Variants in C9orf153 observed in about 807,000 individuals in gnomAD.
C9orf153 encodes chromosome 9 open reading frame 153, also known as uncharacterized protein C9orf153.
A neutral mutation model predicts 9.0 loss-of-function variants in C9orf153; 10 were observed. The ratio of observed to expected loss-of-function variants is 1.11; its 90% CI spans 0.69 to 1.89. C9orf153 has a LOEUF of 1.89. Among genes scored for constraint, C9orf153 ranks in the 40% most tolerant of loss-of-function variants. The probability of loss-of-function intolerance (pLI) is 0.00; values close to 1 mark genes in which losing one functional copy is unlikely to be tolerated. For missense variants in C9orf153, 108 were observed against 111.0 expected (o/e 0.97, Z 0.12); for synonymous variants, 35 against 37.3 (o/e 0.94, Z 0.23).
intron 1 of C9orf153, among the ~76,000 whole-genome samples, chr9:86,240,697 TTTTC>T (rs1225934849): frequency 1.4e-4 from 9 of 64,166 alleles, no homozygotes; most frequent in African/African-American, 8.0e-4. Context: ...TTTCTTTTCT[TTTTC>T]TTTTTCTTTT....
At chr9:86,227,772 T>C (rs185618015) in intron 3 of C9orf153, 83 bp downstream of exon 3, 143 of 1,515,504 alleles carry the variant, frequency 9.4e-5, no homozygotes, top group Middle Eastern at 7.1e-4. Context: ...AGCCTCTCCA[T>C]GGGAGAGAGT....
intron 1 of C9orf153, among the ~76,000 whole-genome samples, chr9:86,231,974 C>A (rs1824482012): frequency 6.6e-6 from 1 of 152,140 alleles, no homozygotes; most frequent in South Asian, 2.1e-4. Flanking sequence ...TTTCTCCTCC[C>A]TTCCCTCAGA....
At chr9:86,232,354 C>A (rs140938049) in intron 1 of C9orf153, among the ~76,000 whole-genome samples, 1,922 of 152,280 alleles carry the variant, frequency 0.013, 45 homozygotes, top group African/African-American at 0.042. Context: ...TTTGCTTGAT[C>A]CAAGTCAATG....
chr9:86,225,409 CTCTCCTTCCT>C (rs766975553), intron 3 of C9orf153, among the ~76,000 whole-genome samples: 9 of 42,828 alleles, frequency 2.1e-4, no homozygotes, highest in Middle Eastern at 0.01. Context: ...CTCTCTCTCT[CTCTCCTTCCT>C]TCCTTCCTTC....
intron 1 of C9orf153, among the ~76,000 whole-genome samples, chr9:86,250,856 A>G (rs975109593): frequency 5.3e-5 from 8 of 152,210 alleles, no homozygotes; most frequent in African/African-American, 1.9e-4. Flanking sequence ...TTGAAAACGA[A>G]TTGTGAAAAA....
chr9:86,231,764 G>A (rs956477739), intron 1 of C9orf153, among the ~76,000 whole-genome samples: 1 of 152,116 alleles, frequency 6.6e-6, no homozygotes, highest in African/African-American at 2.4e-5. Context: ...TTTATCTCTA[G>A]GCAATTACAA....
At chr9:86,258,128 G>A (rs1825164095) in intron 1 of C9orf153, among the ~76,000 whole-genome samples, 1 of 152,036 alleles carries the variant, frequency 6.6e-6, no homozygotes, top group South Asian at 2.1e-4. Context: ...CAGATCACGG[G>A]GTCAGGAGAT....
In C9orf153 at chr9:86,244,198, C is replaced by T. The variant is rs116767323; in HGVS notation, c.-26-14569G>A. Among the ~76,000 whole-genome samples the T allele has an allele frequency of 5.0e-3, 755 of 152,160 alleles. 6 individuals carry two copies. The highest frequency in any genetic ancestry group is 0.016 in the African/African-American group (682 of 41,498). ...ATACATTGAGTTAAATAAAATATAGCGTTAAAATTAATTTTGCCTGTATCT... is the reference window on the plus strand; with the variant it reads ...ATACATTGAGTTAAATAAAATATAGTGTTAAAATTAATTTTGCCTGTATCT... On this transcript the variant is annotated intron_variant, in intron 1 of 3. Transcript: ENST00000339137.
intron 1 of C9orf153, among the ~76,000 whole-genome samples, chr9:86,233,693 A>G (rs1205258419): frequency 7.4e-6 from 1 of 135,182 alleles, no homozygotes. Flanking sequence ...CTGGTATTAC[A>G]GGTGTGAGCC....
At chr9:86,230,395 G>A (rs142986521) in intron 1 of C9orf153, among the ~76,000 whole-genome samples, 1,551 of 152,302 alleles carry the variant, frequency 0.01, 29 homozygotes, top group East Asian at 0.043. Flanking sequence ...TCTGCATCCC[G>A]GGTTCAAGCA....
At chr9:86,229,510 A>G in intron 2 of C9orf153, 28 bp downstream of exon 2, 1 of 1,495,318 alleles carries the variant, frequency 6.7e-7, no homozygotes, top group Non-Finnish European at 9.3e-7. Context: ...CCCTGTGTAC[A>G]CCTCGTTGTA....
chr9:86,227,359 T>C (rs768503689), intron 3 of C9orf153: 4 of 1,534,944 alleles, frequency 2.6e-6, no homozygotes, highest in Non-Finnish European at 2.6e-6. Context: ...GGAGATGGGG[T>C]CTTTCTATGT....
chr9:86,232,703 G>A (rs1824498348), intron 1 of C9orf153, among the ~76,000 whole-genome samples: 1 of 151,914 alleles, frequency 6.6e-6, no homozygotes, highest in Non-Finnish European at 1.5e-5. Flanking sequence ...CACCCAGGGT[G>A]TATATTTTAT....
chr9:86,228,232 G>A lies in C9orf153; in HGVS notation c.67-202C>T, dbSNP rs150026883. 3.8e-3 allele frequency among the ~76,000 whole-genome samples: 582 copies of A among 152,226 alleles called. 3 individuals carry two copies. Among genetic ancestry groups the A allele is most frequent in the South Asian group, 0.017 (84 of 4,820 alleles). On this transcript the variant is annotated intron_variant, in intron 2 of 3. Transcript: ENST00000339137. The stretch of plus-strand genomic sequence containing the variant: ...TAGAGAACAGAGAGGTCAAATCTCC[G>A]ATTCACTCCCTTAAAGATGTATTAT...
chr9:86,227,546 G>T, intron 3 of C9orf153: 1 of 1,358,840 alleles, frequency 7.4e-7, no homozygotes, highest in Non-Finnish European at 9.4e-7. Flanking sequence ...TAAATTACCT[G>T]GGTCAACTAA....
chr9:86,230,241 T>C (rs1036407729), intron 1 of C9orf153, among the ~76,000 whole-genome samples: 43 of 152,250 alleles, frequency 2.8e-4, no homozygotes, highest in African/African-American at 1.0e-3. Context: ...TTCTACAACA[T>C]GTGTATTTAG....
intron 1 of C9orf153, among the ~76,000 whole-genome samples, chr9:86,251,202 T>C (rs1824986001): frequency 6.6e-6 from 1 of 152,244 alleles, no homozygotes; most frequent in African/African-American, 2.4e-5. Flanking sequence ...TATCCAAATA[T>C]GATATAATGC....
chr9:86,243,602 T>G (rs1277546501), intron 1 of C9orf153, among the ~76,000 whole-genome samples: 1 of 151,948 alleles, frequency 6.6e-6, no homozygotes, highest in East Asian at 1.9e-4. Context: ...GACCCTTAAC[T>G]GTGATCCCCC....
At chr9:86,244,179 T>G (rs907280551) in intron 1 of C9orf153, among the ~76,000 whole-genome samples, 6 of 152,194 alleles carry the variant, frequency 3.9e-5, no homozygotes, top group African/African-American at 1.4e-4. Flanking sequence ...TTAGATACAT[T>G]GAGTTAAATA....
Sources: allele counts gnomAD v4.1 joint callset (sites outside exome capture counted in the v4.1 genomes callset), GRCh38; gene constraint gnomAD v4.1.1; transcripts MANE v1.5; gene names NCBI Gene and HGNC (gene_info 2026-07-23, HGNC 2026-07-21).